Variants in TLE7 observed in about 807,000 individuals in gnomAD.
The protein encoded by TLE7 is transducin-like enhancer protein 7.
rs933012762 is a variant in TLE7 at position 71,430,152 on chromosome 16, A to C, written c.*110T>G. ...TGGAGGGGAGGGATGACCCAAGCTAAGGCAGAGGAGATGGCAGGTGTTAGA... is the reference window on the plus strand; with the variant it reads ...TGGAGGGGAGGGATGACCCAAGCTACGGCAGAGGAGATGGCAGGTGTTAGA... On this transcript the variant is annotated 3_prime_UTR_variant, in exon 10 of 10. Transcript: ENST00000561754. The C allele has an allele frequency of 5.0e-6, 2 of 396,946 alleles. No homozygotes were observed. Among genetic ancestry groups the C allele is most frequent in the Non-Finnish European group, 8.9e-6 (2 of 225,490 alleles). 24.6% of individuals were successfully genotyped at this position (396,946 alleles called of 1,614,324 possible).
In TLE7 at chr16:71,431,365, C is replaced by T; in HGVS notation, c.993+56G>A. 2.5e-6 allele frequency: 1 copy of T among 399,812 alleles called. No homozygotes were observed. The highest frequency in any genetic ancestry group is 4.4e-6 in the Non-Finnish European group (1 of 226,284). The allele number at this position is 399,812 out of a possible 1,614,324, so 24.8% of individuals were successfully genotyped here. A position where few individuals can be genotyped will look rare whatever the true frequency, so the allele number is the denominator to read the frequency against. On this transcript the variant is annotated intron_variant, in intron 7 of 9. Transcript: ENST00000561754. This position sits in a 1 kb window ranked among gnomAD's most constrained non-coding sequence, Gnocchi z 4.5. ...CTCAAGCTCACACTCCCACCCCTGC[C>T]TCCATGCATGGCTCCACTACAGGTG...
In TLE7 at chr16:71,432,203, G is replaced by A. The variant is rs888199852; in HGVS notation, c.516C>T (p.His172=). ...TGTAGCCAGAGCCACACGTGTACAC[G>A]TGGTGGGTTGAGCCGCTGATGGCCA... The part of the protein sequence containing the change: ...YAVAISGSTH[H]VYTCGSGYIR... Residue 172 remains histidine, a synonymous_variant, in exon 5 of 10, where the codon CAC becomes CAT. Coordinates refer to ENST00000561754, the MANE Select transcript of TLE7 (RefSeq NM_001367365.2). The A allele has an allele frequency of 1.7e-5, 7 of 400,728 alleles. No individual in the cohort carries two copies. The highest frequency in any genetic ancestry group is 4.4e-5 in the Admixed American group (1 of 22,726). The allele number at this position is 400,728 out of a possible 1,614,324, so 24.8% of individuals were successfully genotyped here. A position where few individuals can be genotyped will look rare whatever the true frequency, so the allele number is the denominator to read the frequency against.
At chr16:71,441,599 C>A (rs1567557235) in intron 1 of TLE7, among the ~76,000 whole-genome samples, 1 of 152,228 alleles carries the variant, frequency 6.6e-6, no homozygotes, top group Non-Finnish European at 1.5e-5. Context: ...TCCCGGAAAG[C>A]GGGCAGGGGT....
At position 71,431,960 on chromosome 16, in the gene TLE7, C is replaced by T. The variant is rs2042806201; in HGVS notation, c.652G>A (p.Glu218Lys). 1 of 400,772 alleles carries T rather than the reference C, an allele frequency of 2.5e-6. No homozygotes were observed. Among genetic ancestry groups the T allele is most frequent in the Non-Finnish European group, 4.4e-6 (1 of 226,274 alleles). 24.8% of individuals were successfully genotyped at this position (400,772 alleles called of 1,614,324 possible). Residue 218 changes from glutamate (E) to lysine (K), a missense_variant, in exon 6 of 10, where the codon GAG becomes AAG. Coordinates refer to ENST00000561754, the MANE Select transcript of TLE7 (RefSeq NM_001367365.2). This position sits in a 1 kb window ranked among gnomAD's most constrained non-coding sequence, Gnocchi z 4.5. Reference protein sequence around the residue: ...RVVTCKLFPDERSLITGGASQ... With the variant: ...RVVTCKLFPDKRSLITGGASQ... ...GCACCCCCTGTGATCAGGCTCCGCTCATCAGGGAACAGCTTGCAGGTAACA... is the reference window on the plus strand; with the variant it reads ...GCACCCCCTGTGATCAGGCTCCGCTTATCAGGGAACAGCTTGCAGGTAACA...
At chr16:71,435,803 T>A (rs749670244) in intron 1 of TLE7, among the ~76,000 whole-genome samples, 1 of 152,216 alleles carries the variant, frequency 6.6e-6, no homozygotes, top group Non-Finnish European at 1.5e-5. Context: ...GCACTCTCCT[T>A]GACTTGCGTC....
intron 1 of TLE7, among the ~76,000 whole-genome samples, chr16:71,436,615 T>G (rs2042826963): frequency 6.6e-6 from 1 of 152,150 alleles, no homozygotes; most frequent in Admixed American, 6.5e-5. Context: ...GGAGTTGAGT[T>G]GAGCTGTTCG....
intron 1 of TLE7, among the ~76,000 whole-genome samples, chr16:71,439,424 G>A (rs1162008618): frequency 2.0e-5 from 3 of 152,152 alleles, no homozygotes; most frequent in Non-Finnish European, 4.4e-5. Context: ...GAGGGTGTGT[G>A]TTTTGGAGGC....
Position 71,438,349 on chromosome 16 carries a change from A to G in TLE7, c.-97+3620T>C, listed in dbSNP as rs2042834228. ...GAGGCTGAGGCAGGAGAATCACCTG[A>G]GCCCAGGAGGCAGAGCCCTGAAGCA... On this transcript the variant is annotated intron_variant, in intron 1 of 9. Transcript: ENST00000561754. Among the ~76,000 whole-genome samples the G allele has an allele frequency of 2.0e-5, 3 of 147,578 alleles. No individual in the cohort carries two copies. In the East Asian group the frequency reaches 6.1e-4, roughly 30 times the overall value.
intron 1 of TLE7, among the ~76,000 whole-genome samples, chr16:71,436,040 TTCTC>T (rs1325661543): frequency 1.3e-5 from 2 of 152,168 alleles, no homozygotes; most frequent in Non-Finnish European, 2.9e-5. Flanking sequence ...TTCCCTTCTC[TTCTC>T]TCTCCCAGAG....
At chr16:71,438,197 C>T (rs2042833557) in intron 1 of TLE7, among the ~76,000 whole-genome samples, 2 of 152,192 alleles carry the variant, frequency 1.3e-5, no homozygotes, top group African/African-American at 2.4e-5. Context: ...CTTTGGGAGG[C>T]CGAGGCGGGT....
At chr16:71,435,151 G>T (rs976552283) in intron 1 of TLE7, among the ~76,000 whole-genome samples, 4 of 152,144 alleles carry the variant, frequency 2.6e-5, no homozygotes, top group African/African-American at 9.7e-5. Flanking sequence ...GGTAGCTCAC[G>T]CCTGTAATCC....
At chr16:71,436,089 C>T (rs1264947083) in intron 1 of TLE7, among the ~76,000 whole-genome samples, 1 of 152,162 alleles carries the variant, frequency 6.6e-6, no homozygotes. Flanking sequence ...TCTTACCAGA[C>T]AACTCTCTTT....
intron 1 of TLE7, among the ~76,000 whole-genome samples, chr16:71,436,081 T>C (rs2042825109): frequency 6.6e-6 from 1 of 152,116 alleles, no homozygotes; most frequent in Non-Finnish European, 1.5e-5. Context: ...CCCCACCCTC[T>C]TACCAGACAA....
At position 71,435,970 on chromosome 16, in the gene TLE7, C is replaced by T. The variant is rs578178875; in HGVS notation, c.-96-2550G>A. On this transcript the variant is annotated intron_variant, in intron 1 of 9. Coordinates refer to ENST00000561754, the MANE Select transcript of TLE7 (RefSeq NM_001367365.2). Reference sequence around the variant, plus strand: ...TCAGCCTCCAAATTTGCCAGAATTTCACCCTAAGAATAAAACAAGGCTTTC... The same window carrying T: ...TCAGCCTCCAAATTTGCCAGAATTTTACCCTAAGAATAAAACAAGGCTTTC... 4.6e-5 allele frequency among the ~76,000 whole-genome samples: 7 copies of T among 152,304 alleles called. No homozygotes were observed. In the East Asian group the frequency reaches 1.4e-3, roughly 29 times the overall value.
Position 71,431,010 on chromosome 16 carries a change from T to C in TLE7, c.1147+111A>G. On this transcript the variant is annotated intron_variant, in intron 8 of 9. Coordinates refer to ENST00000561754, the MANE Select transcript of TLE7 (RefSeq NM_001367365.2). The surrounding 1 kb of genome is among the most constrained non-coding windows in gnomAD (Gnocchi z 4.5). ...CTTCAGGCTGTCATTCTGTGCAGGA[T>C]CTCCCATTACGGAGGGAGCCAGAAA... 1 of 399,472 alleles carries C rather than the reference T, an allele frequency of 2.5e-6. No homozygotes were observed. Among genetic ancestry groups the C allele is most frequent in the Non-Finnish European group, 4.4e-6 (1 of 226,182 alleles). 24.7% of individuals were successfully genotyped at this position (399,472 alleles called of 1,614,324 possible).
chr16:71,436,089 C>A (rs1264947083), intron 1 of TLE7, among the ~76,000 whole-genome samples: 1 of 152,162 alleles, frequency 6.6e-6, no homozygotes, highest in South Asian at 2.1e-4. Context: ...TCTTACCAGA[C>A]AACTCTCTTT....
chr16:71,430,534 T>C (rs1265826441), intron 9 of TLE7, 134 bp downstream of exon 9: 1 of 397,592 alleles, frequency 2.5e-6, no homozygotes, highest in African/African-American at 2.1e-5. Flanking sequence ...AAGTCTTCAT[T>C]TCCCCTACTC....
chr16:71,432,396 C>T (rs1048322814), intron 4 of TLE7, 71 bp from the exon 5 acceptor site: 2 of 397,496 alleles, frequency 5.0e-6, no homozygotes, highest in East Asian at 3.6e-5. Context: ...ACCCCGTCTT[C>T]CAGCTAGATT....
At position 71,437,775 on chromosome 16, in the gene TLE7, C is replaced by G. The variant is rs77726093; in HGVS notation, c.-97+4194G>C. ...CTCTGGCTTCTTTCTCATTCATTGG[C>G]TCCCTTCTTTTGAAGAAATCCTGAG... On this transcript the variant is annotated intron_variant, in intron 1 of 9. Coordinates refer to ENST00000561754, the MANE Select transcript of TLE7 (RefSeq NM_001367365.2). Among the ~76,000 whole-genome samples the G allele has an allele frequency of 3.3e-5, 5 of 152,308 alleles. No homozygotes were observed. In the East Asian group the frequency reaches 7.7e-4, roughly 24 times the overall value.
Sources: gnomAD v4.1 joint callset for allele counts (sites outside exome capture counted in the v4.1 genomes callset) on GRCh38, gnomAD v4.1.1 for gene constraint, Gnocchi (gnomAD v3.1) non-coding constraint, MANE v1.5 for transcripts, NCBI Gene and HGNC (gene_info 2026-07-23, HGNC 2026-07-21) for gene names.